The following COL26A1 variants were observed in gnomAD, a reference collection of about 807,000 sequenced individuals.
COL26A1 encodes collagen alpha-1(XXVI) chain.
In COL26A1, 41 loss-of-function variants were observed where a neutral mutation model predicts 59.3. That is an observed-to-expected ratio of 0.69 (90% CI 0.54 to 0.90). The LOEUF is 0.90. Among genes scored for constraint, COL26A1 ranks in the 40% least tolerant of loss-of-function variants. The pLI, the probability that COL26A1 is intolerant of heterozygous loss-of-function variation, is 0.00. For missense variants in COL26A1, 612 were observed against 602.3 expected, an observed-to-expected ratio of 1.02 and a Z score of -0.17; for synonymous variants, 266 against 256.0, an observed-to-expected ratio of 1.04 and a Z score of -0.37.
chr7:101,447,874 C>T (rs977567833), intron 3 of COL26A1, 87 bp downstream of exon 3: 3 of 788,630 alleles, frequency 3.8e-6, no homozygotes, highest in Non-Finnish European at 6.6e-6. Context: ...CTGCAAGCAG[C>T]TTTCCTTTCC....
At chr7:101,489,688 TC>T (rs1794361507) in intron 3 of COL26A1, among the ~76,000 whole-genome samples, 3 of 13,410 alleles carry the variant, frequency 2.2e-4, no homozygotes, top group African/African-American at 2.0e-3. Context: ...TTCCTTTCTT[TC>T]TTTCTTTCTG....
intron 3 of COL26A1, among the ~76,000 whole-genome samples, chr7:101,498,044 G>A (rs1794626032): frequency 6.6e-6 from 1 of 152,166 alleles, no homozygotes; most frequent in Non-Finnish European, 1.5e-5. Context: ...AAAGGACTGA[G>A]AAAAGCTAAC....
At chr7:101,371,116 G>A (rs35143833) in intron 1 of COL26A1, among the ~76,000 whole-genome samples, 24,806 of 152,210 alleles carry the variant, frequency 0.16, 2,164 homozygotes, top group South Asian at 0.19. Flanking sequence ...AATGTGAGCC[G>A]CTCCAGGTCA....
chr7:101,487,666 G>A (rs1442531474), intron 3 of COL26A1, among the ~76,000 whole-genome samples: 3 of 152,034 alleles, frequency 2.0e-5, no homozygotes, highest in Non-Finnish European at 2.9e-5. Flanking sequence ...TGAGACCCTC[G>A]GCCACTCTGG....
At chr7:101,469,998 C>G (rs1206868492) in intron 3 of COL26A1, among the ~76,000 whole-genome samples, 5 of 152,006 alleles carry the variant, frequency 3.3e-5, no homozygotes, top group Non-Finnish European at 7.4e-5. Flanking sequence ...AGGACACAGA[C>G]ACACAAAGAA....
intron 2 of COL26A1, among the ~76,000 whole-genome samples, chr7:101,430,827 C>G (rs1792761672): frequency 6.6e-6 from 1 of 151,960 alleles, no homozygotes; most frequent in African/African-American, 2.4e-5. Context: ...CGGAGTCTCG[C>G]TCTGTCACCC....
At chr7:101,535,288 A>G (rs6950354) in intron 4 of COL26A1, among the ~76,000 whole-genome samples, 18,608 of 152,178 alleles carry the variant, frequency 0.12, 1,492 homozygotes, top group African/African-American at 0.22. Flanking sequence ...TTGAGCCGGT[A>G]AGCTTCTGGC....
chr7:101,509,097 C>T (rs1032045618), intron 3 of COL26A1, among the ~76,000 whole-genome samples: 5 of 152,000 alleles, frequency 3.3e-5, no homozygotes, highest in South Asian at 4.2e-4. Context: ...GCTGATGCGT[C>T]GCATAGCAAA....
intron 3 of COL26A1, among the ~76,000 whole-genome samples, chr7:101,455,789 TCTC>T (rs1382230588): frequency 2.6e-5 from 4 of 152,046 alleles, no homozygotes; most frequent in Non-Finnish European, 5.9e-5. Flanking sequence ...TTCAAACCAT[TCTC>T]CTGCCTCAGC....
At chr7:101,512,188 G>T (rs13237906) in intron 3 of COL26A1, among the ~76,000 whole-genome samples, 48,677 of 151,802 alleles carry the variant, frequency 0.32, 8,061 homozygotes, top group African/African-American at 0.38. Context: ...AGGGGAGGAG[G>T]TTGGGCTCCT....
At chr7:101,539,510 A>G (rs1795561505) in intron 4 of COL26A1, among the ~76,000 whole-genome samples, 1 of 151,702 alleles carries the variant, frequency 6.6e-6, no homozygotes, top group Admixed American at 6.6e-5. Flanking sequence ...TATTTTTTGT[A>G]GAGATGGGGG....
At chr7:101,514,536 C>T (rs542283908) in intron 3 of COL26A1, among the ~76,000 whole-genome samples, 337 of 152,180 alleles carry the variant, frequency 2.2e-3, no homozygotes, top group African/African-American at 7.8e-3. Flanking sequence ...AGGTTTATTC[C>T]TTCCAGCTGG....
intron 3 of COL26A1, among the ~76,000 whole-genome samples, chr7:101,511,353 CG>C (rs1199314635): frequency 3.3e-5 from 5 of 152,326 alleles, no homozygotes; most frequent in Admixed American, 2.0e-4. Flanking sequence ...CCGCTGGACT[CG>C]GTTTCAGGGC....
At chr7:101,449,842 G>T (rs1210226390) in intron 3 of COL26A1, among the ~76,000 whole-genome samples, 1 of 151,922 alleles carries the variant, frequency 6.6e-6, no homozygotes, top group Non-Finnish European at 1.5e-5. Context: ...ATACAGATTA[G>T]GATGGGCGTG....
intron 1 of COL26A1, among the ~76,000 whole-genome samples, chr7:101,372,083 C>T (rs965730134): frequency 1.3e-5 from 2 of 152,090 alleles, no homozygotes; most frequent in East Asian, 3.8e-4. Context: ...TGAATGTGAC[C>T]GTGGACTGCA....
intron 1 of COL26A1, among the ~76,000 whole-genome samples, chr7:101,392,403 T>C (rs1791755470): frequency 6.7e-6 from 1 of 148,224 alleles, no homozygotes; most frequent in Admixed American, 6.7e-5. Flanking sequence ...CAGGCTTTTT[T>C]TTTTTTTTTT....
At chr7:101,531,127 T>A (rs1045797914) in intron 3 of COL26A1, among the ~76,000 whole-genome samples, 1 of 152,088 alleles carries the variant, frequency 6.6e-6, no homozygotes, top group Non-Finnish European at 1.5e-5. Context: ...CCCGCCACCA[T>A]GCCTGGCTAA....
intron 3 of COL26A1, among the ~76,000 whole-genome samples, chr7:101,495,117 G>C (rs1250537690): frequency 6.6e-6 from 1 of 152,204 alleles, no homozygotes; most frequent in Non-Finnish European, 1.5e-5. Context: ...TATCTGCTGA[G>C]AATGTCAGGA....
At chr7:101,530,787 G>T (rs1033381665) in intron 3 of COL26A1, among the ~76,000 whole-genome samples, 1 of 151,988 alleles carries the variant, frequency 6.6e-6, no homozygotes. Flanking sequence ...TGAGCCCCAG[G>T]AGAGCCAGTG....
Sources: allele counts gnomAD v4.1 joint callset (sites outside exome capture counted in the v4.1 genomes callset), GRCh38; gene constraint gnomAD v4.1.1; transcripts MANE v1.5; gene names NCBI Gene and HGNC (gene_info 2026-07-23, HGNC 2026-07-21).